PDE8A: variants seen among roughly 807,000 people sequenced by gnomAD.
PDE8A encodes high affinity cAMP-specific and IBMX-insensitive 3',5'-cyclic phosphodiesterase 8A.
In PDE8A, 59 loss-of-function variants were observed where a neutral mutation model predicts 105.0. That is an observed-to-expected ratio of 0.56 (90% confidence interval 0.46 to 0.70). PDE8A has a LOEUF of 0.70. Among genes scored for constraint, PDE8A ranks in the 30% least tolerant of loss-of-function variants. PDE8A has a pLI of 0.00. For synonymous variants in PDE8A, 355 were observed against 371.9 expected (o/e 0.95, Z 0.52); for missense variants, 1,014 against 1,045.9 (o/e 0.97, Z 0.42).
intron 2 of PDE8A, 26 bp from the exon 3 acceptor site, chr15:85,066,988 A>T (rs773250498): frequency 7.3e-6 from 11 of 1,513,712 alleles, no homozygotes; most frequent in Non-Finnish European, 9.0e-6. Flanking sequence ...TTTTTTAAAA[A>T]AAGTGTTTGT....
chr15:85,115,952 C>T, intron 15 of PDE8A, 32 bp from the exon 16 acceptor site: 2 of 1,576,532 alleles, frequency 1.3e-6, no homozygotes, highest in South Asian at 2.3e-5. Context: ...CCTTTAAAGC[C>T]TATTTGTTCT....
At position 85,070,205 on chromosome 15, in the gene PDE8A, G is replaced by A. The variant is rs570038779; in HGVS notation, c.434+3001G>A. 2.6e-5 allele frequency among the ~76,000 whole-genome samples: 4 copies of A among 152,242 alleles called. No individual in the cohort carries two copies. In the South Asian group the frequency reaches 6.2e-4, roughly 24 times the overall value. ...GGTTGTTGACCTGTCTAAATGACTA[G>A]CATTCACCTGTATCTCTCTGTTGGG... On this transcript the variant is annotated intron_variant, in intron 3 of 21. Transcript: ENST00000394553.
Position 84,984,475 on chromosome 15 carries a change from G to A in PDE8A, c.186+2127G>A, listed in dbSNP as rs776655314. Among the ~76,000 whole-genome samples the A allele has an allele frequency of 2.4e-4, 37 of 152,324 alleles. No homozygotes were observed. The Middle Eastern group carries it at 0.01, about 42-fold the overall frequency. ...AATTAGTTTCTTTGTATTATCTCAA[G>A]ATGCAATTTAATTCATTACAAAATT... On this transcript the variant is annotated intron_variant, in intron 1 of 21. Coordinates refer to ENST00000394553, the MANE Select transcript of PDE8A (RefSeq NM_002605.3).
chr15:85,124,522 C>A (rs2082230015), intron 19 of PDE8A, among the ~76,000 whole-genome samples: 1 of 152,180 alleles, frequency 6.6e-6, no homozygotes, highest in South Asian at 2.1e-4. Context: ...ATCATAATTC[C>A]TTGACTTCTA....
At chr15:85,046,442 G>T (rs540905737) in intron 1 of PDE8A, among the ~76,000 whole-genome samples, 1 of 152,154 alleles carries the variant, frequency 6.6e-6, no homozygotes, top group Non-Finnish European at 1.5e-5. Flanking sequence ...GTAATAAGCT[G>T]GTATGAGTAT....
At chr15:85,105,672 A>G (rs1205684895) in intron 11 of PDE8A, among the ~76,000 whole-genome samples, 7 of 152,170 alleles carry the variant, frequency 4.6e-5, no homozygotes, top group Admixed American at 1.3e-4. Context: ...ATTTTACAGA[A>G]CAGGAAGCCA....
chr15:85,087,762 A>G (rs1004560239), intron 6 of PDE8A, among the ~76,000 whole-genome samples: 4 of 152,340 alleles, frequency 2.6e-5, no homozygotes, highest in South Asian at 2.1e-4. Context: ...AGATTAATGT[A>G]TAGTGTGCCA....
chr15:85,014,172 T>C (rs1334930668), intron 1 of PDE8A, among the ~76,000 whole-genome samples: 1 of 152,054 alleles, frequency 6.6e-6, no homozygotes, highest in Non-Finnish European at 1.5e-5. Flanking sequence ...AGGGTCTTGC[T>C]CTGTCCCCCA....
chr15:85,051,436 C>G lies in PDE8A; in HGVS notation c.187-12934C>G, dbSNP rs1359249969. Among the ~76,000 whole-genome samples, 65 of 152,112 alleles carry G rather than the reference C, an allele frequency of 4.3e-4. 1 individual carries two copies. The highest frequency in any genetic ancestry group is 4.2e-3 in the Admixed American group (64 of 15,264). ...ATGTTTGCTGTGGGTTTTGTTCATACATGGCTTTTTAAAAAATTTGTTTAA... is the reference window on the plus strand; with the variant it reads ...ATGTTTGCTGTGGGTTTTGTTCATAGATGGCTTTTTAAAAAATTTGTTTAA... On this transcript the variant is annotated intron_variant, in intron 1 of 21. Coordinates refer to ENST00000394553, the MANE Select transcript of PDE8A (RefSeq NM_002605.3).
At position 84,993,442 on chromosome 15, in the gene PDE8A, CAAAAAAAAAA is replaced by C. The variant is rs11362736; in HGVS notation, c.186+11108_186+11117del. On this transcript the variant is annotated intron_variant, in intron 1 of 21. Coordinates refer to ENST00000394553, the MANE Select transcript of PDE8A (RefSeq NM_002605.3). ...TGGGCGACAGAGCGAGACTCCATCT[CAAAAAAAAAA>C]AAAAAAAAAAAAAGAACAAGGATCA... Among the ~76,000 whole-genome samples, 6 of 73,112 alleles carry C rather than the reference CAAAAAAAAAA, an allele frequency of 8.2e-5. No homozygotes were observed. The South Asian group carries it at 2.1e-3, about 25-fold the overall frequency. 48.0% of individuals were successfully genotyped at this position (73,112 alleles called of 152,430 possible). A position where few individuals can be genotyped will look rare whatever the true frequency, so the allele number is the denominator to read the frequency against.
chr15:85,118,777 G>A (rs1370804835), intron 17 of PDE8A, among the ~76,000 whole-genome samples: 1 of 152,204 alleles, frequency 6.6e-6, no homozygotes, highest in Non-Finnish European at 1.5e-5. Flanking sequence ...GTCATGCAGG[G>A]CCAGGGCAAG....
At chr15:84,991,247 A>G (rs892250243) in intron 1 of PDE8A, among the ~76,000 whole-genome samples, 9 of 152,354 alleles carry the variant, frequency 5.9e-5, no homozygotes, top group Admixed American at 5.9e-4. Flanking sequence ...TGCAATGCAT[A>G]GTACCAATAA....
intron 1 of PDE8A, among the ~76,000 whole-genome samples, chr15:85,055,231 A>G (rs566899605): frequency 1.3e-5 from 2 of 152,112 alleles, no homozygotes; most frequent in East Asian, 1.9e-4. Flanking sequence ...TTTACTTCCA[A>G]CTGTGGTCAA....
At chr15:85,040,798 A>G (rs2080793584) in intron 1 of PDE8A, among the ~76,000 whole-genome samples, 2 of 152,050 alleles carry the variant, frequency 1.3e-5, no homozygotes, top group Admixed American at 6.6e-5. Flanking sequence ...TGACCTTGTG[A>G]TCCGCCTGCC....
intron 1 of PDE8A, among the ~76,000 whole-genome samples, chr15:85,031,076 C>T (rs1167450908): frequency 6.6e-6 from 1 of 152,176 alleles, no homozygotes; most frequent in East Asian, 1.9e-4. Flanking sequence ...TCTAAACCTG[C>T]TGATTAATAC....
In PDE8A at chr15:85,117,724, C is replaced by T. The variant is rs1461186989; in HGVS notation, c.1619C>T (p.Ser540Leu). ...FLHCSESTLR[S>L]WLQIIEANYH... Reference sequence around the variant, plus strand: ...CACTGCTCCGAGTCAACGCTAAGATCATGGTTACAAATTATCGAAGCCAAT... The same window carrying T: ...CACTGCTCCGAGTCAACGCTAAGATTATGGTTACAAATTATCGAAGCCAAT... Residue 540 changes from serine (S) to leucine (L), a missense_variant, in exon 17 of 22, where the codon TCA (serine) becomes TTA (leucine). Coordinates refer to ENST00000394553, the MANE Select transcript of PDE8A (RefSeq NM_002605.3). The T allele has an allele frequency of 1.9e-6, 3 of 1,613,662 alleles. No homozygotes were observed. Among genetic ancestry groups the T allele is most frequent in the African/African-American group, 2.7e-5 (2 of 74,938 alleles).
intron 6 of PDE8A, among the ~76,000 whole-genome samples, chr15:85,083,952 A>G (rs67693018): frequency 0.089 from 13,464 of 152,118 alleles, 1,659 homozygotes; most frequent in African/African-American, 0.28. Flanking sequence ...AACGGTTTTA[A>G]TATACACCCC....
chr15:85,006,239 T>C (rs2080145112), intron 1 of PDE8A, among the ~76,000 whole-genome samples: 2 of 152,160 alleles, frequency 1.3e-5, no homozygotes, highest in South Asian at 2.1e-4. Flanking sequence ...ATTGTGCACA[T>C]GTACCCTAAA....
At chr15:85,079,055 C>T (rs1013960044) in intron 5 of PDE8A, among the ~76,000 whole-genome samples, 2 of 152,134 alleles carry the variant, frequency 1.3e-5, no homozygotes, top group Non-Finnish European at 2.9e-5. Flanking sequence ...TAAACCCTGC[C>T]ATGTGCATAC....
Sources: allele counts gnomAD v4.1 joint callset (sites outside exome capture counted in the v4.1 genomes callset), GRCh38; gene constraint gnomAD v4.1.1; transcripts MANE v1.5; gene names NCBI Gene and HGNC (gene_info 2026-07-23, HGNC 2026-07-21).